Variants in RALYL observed in about 807,000 individuals in gnomAD.
RALYL encodes RALY RNA binding protein like.
A neutral mutation model predicts 35.1 loss-of-function variants in RALYL; 29 were observed. That is an observed-to-expected ratio of 0.83 (90% confidence interval 0.61 to 1.13). The LOEUF is 1.13. Among genes scored for constraint, RALYL ranks in the 50% most tolerant of loss-of-function variants. The pLI is 0.00. For synonymous variants in RALYL, 120 were observed against 127.6 expected, an observed-to-expected ratio of 0.94 and a Z score of 0.40; for missense variants, 359 against 360.4, an observed-to-expected ratio of 1.00 and a Z score of 0.03.
At chr8:84,474,797 A>G (rs1002548028) in intron 1 of RALYL, among the ~76,000 whole-genome samples, 2 of 152,182 alleles carry the variant, frequency 1.3e-5, no homozygotes, top group Admixed American at 6.6e-5. Context: ...AATGTGAAAC[A>G]CACTGTACTC....
intron 1 of RALYL, among the ~76,000 whole-genome samples, chr8:84,202,374 T>C (rs932059654): frequency 0.034 from 5,018 of 146,494 alleles, 256 homozygotes; most frequent in African/African-American, 0.12. Flanking sequence ...GGGATTTTTT[T>C]TTTTTTTTTT....
At chr8:84,812,253 C>CTGAT (rs1256427245) in intron 4 of RALYL, among the ~76,000 whole-genome samples, 2 of 152,156 alleles carry the variant, frequency 1.3e-5, no homozygotes, top group African/African-American at 4.8e-5. Flanking sequence ...CCGAACTACA[C>CTGAT]TGATTGTTGT....
chr8:84,870,049 C>A (rs1444681267), intron 6 of RALYL, among the ~76,000 whole-genome samples: 1 of 152,060 alleles, frequency 6.6e-6, no homozygotes, highest in East Asian at 1.9e-4. Flanking sequence ...AGTGATGCAA[C>A]CTGACTTCTA....
intron 1 of RALYL, among the ~76,000 whole-genome samples, chr8:84,289,248 T>G (rs140569504): frequency 2.7e-3 from 415 of 152,264 alleles, no homozygotes; most frequent in Middle Eastern, 0.01. Context: ...AGAAAGAGAT[T>G]CCTGGGTTGT....
rs73306303 is a variant in RALYL, at chr8:84,417,502, A to T, written c.-23-111797A>T. Among the ~76,000 whole-genome samples, 751 of 152,188 alleles carry T rather than the reference A, an allele frequency of 4.9e-3. 5 individuals are homozygous for T. The highest frequency in any genetic ancestry group is 0.016 in the South Asian group (76 of 4,818). On this transcript the variant is annotated intron_variant, in intron 1 of 8. Coordinates refer to ENST00000521268, the MANE Select transcript of RALYL (RefSeq NM_173848.7). ...TTGGGAGGTTGACACAGTATCATAAAAGCAAAGAAAGATATCCAGCCCTAT... is the reference window on the plus strand; with the variant it reads ...TTGGGAGGTTGACACAGTATCATAATAGCAAAGAAAGATATCCAGCCCTAT...
At chr8:84,306,669 G>A (rs1841874687) in intron 1 of RALYL, among the ~76,000 whole-genome samples, 1 of 152,176 alleles carries the variant, frequency 6.6e-6, no homozygotes, top group Admixed American at 6.5e-5. Context: ...TGCAGGAGCT[G>A]ACACTGCTTG....
intron 2 of RALYL, among the ~76,000 whole-genome samples, chr8:84,560,738 C>T (rs753848214): frequency 2.0e-5 from 3 of 151,774 alleles, no homozygotes; most frequent in African/African-American, 4.8e-5. Flanking sequence ...AAGGTAGACA[C>T]GGATGCTTGG....
intron 2 of RALYL, among the ~76,000 whole-genome samples, chr8:84,756,492 G>T (rs752285937): frequency 6.6e-6 from 1 of 151,986 alleles, no homozygotes; most frequent in Admixed American, 6.6e-5. Context: ...GCTTTGAATT[G>T]TCATCTCTTT....
At chr8:84,575,038 T>C (rs185238144) in intron 2 of RALYL, among the ~76,000 whole-genome samples, 1 of 152,340 alleles carries the variant, frequency 6.6e-6, no homozygotes, top group East Asian at 1.9e-4. Flanking sequence ...ATGATGCAGA[T>C]AACTTCAACC....
At chr8:84,907,095 A>G (rs2135630623) in intron 8 of RALYL, 1 of 393,692 alleles carries the variant, frequency 2.5e-6, no homozygotes, top group East Asian at 1.6e-4. Flanking sequence ...CTGCCTTGCC[A>G]CAGTTTTAGG....
Position 84,239,734 on chromosome 8 carries a change from T to C in RALYL, c.-24+55310T>C, listed in dbSNP as rs527971206. ...GGTGAAATGCTGTCTCTACTAAAAA[T>C]ACAAAAATTAGCCAGACGTGGTGGT... On this transcript the variant is annotated intron_variant, in intron 1 of 8. Coordinates refer to ENST00000521268, the MANE Select transcript of RALYL (RefSeq NM_173848.7). 2.6e-5 allele frequency among the ~76,000 whole-genome samples: 4 copies of C among 151,890 alleles called. No homozygotes were observed. In the East Asian group the frequency reaches 7.7e-4, roughly 29 times the overall value.
intron 2 of RALYL, among the ~76,000 whole-genome samples, chr8:84,714,208 A>T (rs918178284): frequency 3.3e-5 from 5 of 151,914 alleles, no homozygotes; most frequent in Admixed American, 6.6e-5. Flanking sequence ...AGTGGAAGTC[A>T]TTAACAGAAG....
At chr8:84,559,654 A>G (rs1400797650) in intron 2 of RALYL, among the ~76,000 whole-genome samples, 2 of 152,134 alleles carry the variant, frequency 1.3e-5, no homozygotes, top group Non-Finnish European at 2.9e-5. Context: ...ATGATTACTA[A>G]TTAAAGAGTA....
At chr8:84,190,898 G>T (rs1462048361) in intron 1 of RALYL, among the ~76,000 whole-genome samples, 5 of 151,946 alleles carry the variant, frequency 3.3e-5, no homozygotes, top group African/African-American at 1.2e-4. Context: ...ATGTAAAAGG[G>T]GCTGATAAAG....
chr8:84,229,634 A>G (rs772518813), intron 1 of RALYL, among the ~76,000 whole-genome samples: 23 of 152,182 alleles, frequency 1.5e-4, no homozygotes, highest in Non-Finnish European at 2.9e-4. Context: ...CTAAATGTTA[A>G]GATAACTCTG....
intron 3 of RALYL, among the ~76,000 whole-genome samples, chr8:84,777,989 A>G (rs1156280454): frequency 6.6e-6 from 1 of 151,836 alleles, no homozygotes; most frequent in Non-Finnish European, 1.5e-5. Context: ...GACTCTTTTT[A>G]CTCGGTCATT....
chr8:84,851,844 G>T (rs758858516), intron 5 of RALYL, among the ~76,000 whole-genome samples: 28 of 152,076 alleles, frequency 1.8e-4, no homozygotes, highest in Non-Finnish European at 3.5e-4. Context: ...CTCGCTCAGC[G>T]CCCAGCACTG....
rs766504736 is a variant in RALYL at position 84,735,809 on chromosome 8, C to CGTGAGAGAGAGAGA, written c.257-38769_257-38768insTGAGAGAGAGAGAG. Among the ~76,000 whole-genome samples, 209 of 119,094 alleles carry CGTGAGAGAGAGAGA rather than the reference C, an allele frequency of 1.8e-3. 4 individuals are homozygous for CGTGAGAGAGAGAGA. The highest frequency in any genetic ancestry group is 5.4e-3 in the African/African-American group (172 of 31,598). 78.1% of individuals were successfully genotyped at this position (119,094 alleles called of 152,430 possible). A position where few individuals can be genotyped will look rare whatever the true frequency, so the allele number is the denominator to read the frequency against. ...CCCCATTCCTTAAGATCATCCAAAC[C>CGTGAGAGAGAGAGA]GCGAGAGAGAGAGAGAGAGAGAGAG... On this transcript the variant is annotated intron_variant, in intron 2 of 8. Coordinates refer to ENST00000521268, the MANE Select transcript of RALYL (RefSeq NM_173848.7).
chr8:84,290,762 C>T (rs1455379208), intron 1 of RALYL, among the ~76,000 whole-genome samples: 1 of 152,148 alleles, frequency 6.6e-6, no homozygotes, highest in East Asian at 1.9e-4. Context: ...CACTTGTTTA[C>T]ATACTTTGGC....
Sources: gnomAD v4.1 joint callset for allele counts (sites outside exome capture counted in the v4.1 genomes callset) on GRCh38, gnomAD v4.1.1 for gene constraint, MANE v1.5 for transcripts, NCBI Gene and HGNC (gene_info 2026-07-23, HGNC 2026-07-21) for gene names.